The following SUMF1 variants were observed in gnomAD, a reference collection of about 807,000 sequenced individuals.
SUMF1 encodes sulfatase modifying factor 1.
In SUMF1, 48 loss-of-function variants were observed where a neutral mutation model predicts 47.6. The observed-to-expected ratio is 1.01, with a 90% confidence interval of 0.80 to 1.28. The LOEUF is 1.28. Ranked by LOEUF, SUMF1 falls within the 50% of genes most tolerant of loss-of-function variation. SUMF1 has a pLI of 0.00. For synonymous variants in SUMF1, 230 were observed against 192.1 expected, an observed-to-expected ratio of 1.20 and a Z score of -1.63; for missense variants, 571 against 485.4, an observed-to-expected ratio of 1.18 and a Z score of -1.66.
chr3:4,437,187 A>G (rs1702430379), intron 3 of SUMF1, among the ~76,000 whole-genome samples: 2 of 152,244 alleles, frequency 1.3e-5, no homozygotes, highest in African/African-American at 4.8e-5. Flanking sequence ...TACATAAAAA[A>G]GTATTAACCA....
At chr3:4,422,673 G>A (rs1458075175) in intron 3 of SUMF1, among the ~76,000 whole-genome samples, 1 of 151,958 alleles carries the variant, frequency 6.6e-6, no homozygotes, top group African/African-American at 2.4e-5. Flanking sequence ...TGGAACAGCT[G>A]AGTCCTAGAA....
At chr3:4,084,528 C>A (rs1364171878) in intron 8 of SUMF1, among the ~76,000 whole-genome samples, 5 of 152,018 alleles carry the variant, frequency 3.3e-5, no homozygotes, top group Non-Finnish European at 5.9e-5. Flanking sequence ...AAGAAAATTA[C>A]TTGATTAGTA....
intron 3 of SUMF1, among the ~76,000 whole-genome samples, chr3:4,428,481 G>C (rs1000610946): frequency 1.3e-5 from 2 of 151,944 alleles, no homozygotes; most frequent in African/African-American, 4.8e-5. Context: ...AGCCTTACAA[G>C]TAGTTAAGAC....
At chr3:4,343,396 G>A (rs1322845300) in intron 8 of SUMF1, among the ~76,000 whole-genome samples, 1 of 152,196 alleles carries the variant, frequency 6.6e-6, no homozygotes, top group African/African-American at 2.4e-5. Context: ...GGGCAGAGAG[G>A]GGAGTGCAAA....
intron 8 of SUMF1, among the ~76,000 whole-genome samples, chr3:4,363,349 T>C (rs1382381515): frequency 6.6e-6 from 1 of 152,196 alleles, no homozygotes; most frequent in African/African-American, 2.4e-5. Flanking sequence ...CAACATTGCT[T>C]TTTAAAAATA....
chr3:4,205,658 T>C (rs1267667065), intron 8 of SUMF1, among the ~76,000 whole-genome samples: 2 of 152,204 alleles, frequency 1.3e-5, no homozygotes, highest in Non-Finnish European at 1.5e-5. Flanking sequence ...CCAAGTCCAG[T>C]AACACTGTGA....
chr3:4,111,168 T>A (rs779400308), intron 8 of SUMF1, among the ~76,000 whole-genome samples: 1 of 151,842 alleles, frequency 6.6e-6, no homozygotes, highest in Non-Finnish European at 1.5e-5. Flanking sequence ...AATTCACACA[T>A]ACTCAAGTCC....
rs191156210 is a variant in SUMF1, at chr3:4,411,990, C to A, written c.841-1012G>T. On this transcript the variant is annotated intron_variant, in intron 6 of 8. Coordinates refer to ENST00000272902, the MANE Select transcript of SUMF1 (RefSeq NM_182760.4). ...GGCTTCAGATGGTTTCACATCTACC[C>A]ATGAATATGGAAGCATCTGATGCTT... Among the ~76,000 whole-genome samples, 42 of 152,234 alleles carry A rather than the reference C, an allele frequency of 2.8e-4. 1 individual carries two copies. Among genetic ancestry groups the A allele is most frequent in the Middle Eastern group, 3.4e-3 (1 of 294 alleles).
intron 8 of SUMF1, among the ~76,000 whole-genome samples, chr3:4,192,998 C>A (rs887267761): frequency 6.6e-6 from 1 of 152,058 alleles, no homozygotes; most frequent in African/African-American, 2.4e-5. Flanking sequence ...GGCCTCAATC[C>A]AGGCCAATGT....
chr3:4,075,787 T>C (rs1490628988), intron 8 of SUMF1, among the ~76,000 whole-genome samples: 1 of 152,112 alleles, frequency 6.6e-6, no homozygotes, highest in Non-Finnish European at 1.5e-5. Context: ...ACAAGGAATG[T>C]GAAGGACCCC....
intron 8 of SUMF1, among the ~76,000 whole-genome samples, chr3:4,364,999 G>A (rs1699901576): frequency 6.6e-6 from 1 of 152,094 alleles, no homozygotes; most frequent in African/African-American, 2.4e-5. Flanking sequence ...AGTCATTTTT[G>A]TTCAGTTTCC....
intron 9 of SUMF1, among the ~76,000 whole-genome samples, chr3:4,058,305 C>G (rs1345504416): frequency 6.6e-6 from 1 of 152,132 alleles, no homozygotes; most frequent in South Asian, 2.1e-4. Flanking sequence ...TGTCTGCAAG[C>G]CCCCACATCC....
chr3:4,069,131 G>T (rs1440973094), intron 8 of SUMF1, among the ~76,000 whole-genome samples: 1 of 152,134 alleles, frequency 6.6e-6, no homozygotes, highest in Non-Finnish European at 1.5e-5. Flanking sequence ...GTCCTCAAGA[G>T]CTTAGAATGT....
intron 8 of SUMF1, among the ~76,000 whole-genome samples, chr3:4,241,932 C>G (rs558032015): frequency 2.0e-5 from 3 of 152,122 alleles, no homozygotes; most frequent in African/African-American, 7.2e-5. Flanking sequence ...AAGTTGACTA[C>G]GTCACCCTAA....
intron 8 of SUMF1, among the ~76,000 whole-genome samples, chr3:4,213,719 T>C (rs551115156): frequency 4.6e-5 from 7 of 152,214 alleles, no homozygotes; most frequent in Admixed American, 1.3e-4. Flanking sequence ...GAGGAATATT[T>C]ACCAAGCAAA....
intron 8 of SUMF1, among the ~76,000 whole-genome samples, chr3:4,336,772 A>T (rs1376727085): frequency 6.6e-6 from 1 of 152,220 alleles, no homozygotes; most frequent in African/African-American, 2.4e-5. Context: ...ATATTCTGTC[A>T]ACTTTTAGTC....
At chr3:4,242,661 T>C (rs1417351358) in intron 8 of SUMF1, among the ~76,000 whole-genome samples, 2 of 152,230 alleles carry the variant, frequency 1.3e-5, no homozygotes, top group Non-Finnish European at 2.9e-5. Context: ...GATGTGCTGC[T>C]GGATTCAGTT....
chr3:4,159,148 T>A (rs1466292746), intron 8 of SUMF1, among the ~76,000 whole-genome samples: 1 of 151,306 alleles, frequency 6.6e-6, no homozygotes, highest in Non-Finnish European at 1.5e-5. Context: ...ACCAGTAAGG[T>A]TTGTACCTTC....
intron 3 of SUMF1, among the ~76,000 whole-genome samples, chr3:4,445,745 C>T (rs1435932981): frequency 2.0e-5 from 3 of 152,124 alleles, no homozygotes; most frequent in Non-Finnish European, 4.4e-5. Context: ...TAAATATATA[C>T]ACAGACACAC....
Sources: allele counts gnomAD v4.1 joint callset (sites outside exome capture counted in the v4.1 genomes callset), GRCh38; gene constraint gnomAD v4.1.1; transcripts MANE v1.5; gene names NCBI Gene and HGNC (gene_info 2026-07-23, HGNC 2026-07-21).